The following PCDH15 variants were observed in gnomAD, a reference collection of about 807,000 sequenced individuals.
The protein encoded by PCDH15 is protocadherin related 15.
In PCDH15, 129 loss-of-function variants were observed where a neutral mutation model predicts 178.5. The observed-to-expected ratio is 0.72, with a 90% CI of 0.63 to 0.84. The LOEUF (loss-of-function observed/expected upper bound fraction) is 0.84, where lower values mean the gene tolerates loss of function less well. Among genes scored for constraint, PCDH15 ranks in the 40% least tolerant of loss-of-function variants. The pLI, the probability that PCDH15 is intolerant of heterozygous loss-of-function variation, is 0.00. For synonymous variants in PCDH15, 800 were observed against 732.0 expected (o/e 1.09, Z -1.50); for missense variants, 2,230 against 2,099.9 (o/e 1.06, Z -1.21).
intron 2 of PCDH15, among the ~76,000 whole-genome samples, chr10:55,547,886 G>GGTGT (rs1488373575): frequency 6.1e-4 from 35 of 57,588 alleles, no homozygotes; most frequent in African/African-American, 2.0e-3. Context: ...GCAGGGAGGT[G>GGTGT]GTGTGTGTGT....
At chr10:54,155,156 T>C (rs2044975919) in intron 13 of PCDH15, among the ~76,000 whole-genome samples, 1 of 152,214 alleles carries the variant, frequency 6.6e-6, no homozygotes, top group Non-Finnish European at 1.5e-5. Flanking sequence ...TGCATCAAGT[T>C]AAGAAAAGGT....
At chr10:54,064,211 C>T (rs1366546748) in intron 18 of PCDH15, among the ~76,000 whole-genome samples, 1 of 152,192 alleles carries the variant, frequency 6.6e-6, no homozygotes, top group Non-Finnish European at 1.5e-5. Context: ...ATAGGTAGTT[C>T]CTTTCTGCAG....
At chr10:54,559,769 T>C (rs547768347) in intron 2 of PCDH15, among the ~76,000 whole-genome samples, 1 of 149,788 alleles carries the variant, frequency 6.7e-6, no homozygotes, top group East Asian at 2.0e-4. Flanking sequence ...AATTAGCTTC[T>C]CACTGTAGAG....
chr10:54,747,367 G>A (rs568100998), intron 1 of PCDH15, among the ~76,000 whole-genome samples: 2 of 152,280 alleles, frequency 1.3e-5, no homozygotes, highest in Non-Finnish European at 1.5e-5. Context: ...CATGTCAGCT[G>A]CATTTTAGGC....
At chr10:54,031,854 T>A (rs2135426642) in intron 18 of PCDH15, among the ~76,000 whole-genome samples, 1 of 152,210 alleles carries the variant, frequency 6.6e-6, no homozygotes, top group Non-Finnish European at 1.5e-5. Context: ...TTCATGTTCA[T>A]TAAATGTATT....
intron 7 of PCDH15, among the ~76,000 whole-genome samples, chr10:54,325,479 T>C (rs192269636): frequency 2.8e-4 from 43 of 152,212 alleles, no homozygotes; most frequent in African/African-American, 7.9e-4. Context: ...CCAGGTGCAG[T>C]GGCTCATGCG....
intron 2 of PCDH15, among the ~76,000 whole-genome samples, chr10:54,901,166 C>T (rs928379535): frequency 6.6e-6 from 1 of 151,972 alleles, no homozygotes; most frequent in African/African-American, 2.4e-5. Flanking sequence ...AAAAAATTAG[C>T]CTGGTGTGGT....
At chr10:54,445,129 T>G (rs1353708142) in intron 3 of PCDH15, among the ~76,000 whole-genome samples, 3 of 151,254 alleles carry the variant, frequency 2.0e-5, no homozygotes, top group African/African-American at 7.3e-5. Flanking sequence ...TCTGCTCCTC[T>G]GAGTCAAAGC....
chr10:54,349,324 C>T (rs138661235), intron 5 of PCDH15, among the ~76,000 whole-genome samples: 174 of 152,148 alleles, frequency 1.1e-3, no homozygotes, highest in African/African-American at 3.8e-3. Context: ...GAGAACTTCA[C>T]GTTTGCCACT....
intron 3 of PCDH15, among the ~76,000 whole-genome samples, chr10:54,439,331 G>A (rs2075648575): frequency 1.3e-5 from 2 of 151,896 alleles, no homozygotes; most frequent in African/African-American, 4.8e-5. Context: ...AAAAAGGGGA[G>A]GGGCATCATA....
At chr10:53,924,987 A>G (rs1348990916) in intron 25 of PCDH15, among the ~76,000 whole-genome samples, 1 of 152,082 alleles carries the variant, frequency 6.6e-6, no homozygotes, top group East Asian at 1.9e-4. Flanking sequence ...AAAACAGACC[A>G]ATCAGCTCTC....
chr10:55,101,193 A>G (rs1048943445), intron 2 of PCDH15, among the ~76,000 whole-genome samples: 2 of 152,044 alleles, frequency 1.3e-5, no homozygotes, highest in African/African-American at 2.4e-5. Flanking sequence ...AGCCTGGCCA[A>G]CATCTCAAAA....
chr10:55,339,761 G>A lies in PCDH15; in HGVS notation c.-155-173110C>T, dbSNP rs542459611. ...GCTTTTAGTTAATAATTGGCCACTCGAGTCTAATTTTAAATAAAAATTTAT... is the reference window on the plus strand; with the variant it reads ...GCTTTTAGTTAATAATTGGCCACTCAAGTCTAATTTTAAATAAAAATTTAT... On this transcript the variant is annotated intron_variant, in intron 2 of 5. Transcript: ENST00000613346. 6.6e-5 allele frequency among the ~76,000 whole-genome samples: 10 copies of A among 152,058 alleles called. No individual in the cohort carries two copies. In the South Asian group the frequency reaches 1.9e-3, roughly 28 times the overall value.
Position 54,523,341 on chromosome 10 carries a change from G to A in PCDH15, c.157+4471C>T, listed in dbSNP as rs138408363. Reference sequence around the variant, plus strand: ...CAAAAGTAGTGTACTTTAACAGTGCGTAGATTATAACAATTTCATAAAAAT... The same window carrying A: ...CAAAAGTAGTGTACTTTAACAGTGCATAGATTATAACAATTTCATAAAAAT... On this transcript the variant is annotated intron_variant, in intron 3 of 37. Transcript: ENST00000644397. Among the ~76,000 whole-genome samples, 175 of 152,200 alleles carry A rather than the reference G, an allele frequency of 1.1e-3. 1 individual carries two copies. The East Asian group carries it at 0.025, about 22-fold the overall frequency.
intron 1 of PCDH15, among the ~76,000 whole-genome samples, chr10:55,310,369 G>A (rs1190352019): frequency 6.6e-6 from 1 of 152,086 alleles, no homozygotes; most frequent in East Asian, 1.9e-4. Flanking sequence ...ATAAAACATA[G>A]TGGAAGTAAA....
At chr10:54,052,441 G>A (rs7893568) in intron 18 of PCDH15, among the ~76,000 whole-genome samples, 4,043 of 152,292 alleles carry the variant, frequency 0.027, 78 homozygotes, top group Non-Finnish European at 0.043. Flanking sequence ...GAAACTTTAA[G>A]GTTTAATGAC....
At chr10:55,082,157 G>T (rs1443597460) in intron 2 of PCDH15, among the ~76,000 whole-genome samples, 1 of 151,982 alleles carries the variant, frequency 6.6e-6, no homozygotes, top group Non-Finnish European at 1.5e-5. Flanking sequence ...TCATCCTCAA[G>T]GATAGACAAT....
intron 18 of PCDH15, among the ~76,000 whole-genome samples, chr10:54,064,413 C>T (rs1399697401): frequency 6.6e-6 from 1 of 152,162 alleles, no homozygotes; most frequent in Non-Finnish European, 1.5e-5. Flanking sequence ...CCACGGACTC[C>T]ACTGGAACTG....
intron 25 of PCDH15, among the ~76,000 whole-genome samples, chr10:53,912,798 C>A (rs187514489): frequency 7.2e-5 from 11 of 152,114 alleles, no homozygotes; most frequent in East Asian, 5.8e-4. Context: ...AAGAGGACAC[C>A]AACAAATGGA....
Sources: allele counts gnomAD v4.1 joint callset (sites outside exome capture counted in the v4.1 genomes callset), GRCh38; gene constraint gnomAD v4.1.1; transcripts MANE v1.5; gene names NCBI Gene and HGNC (gene_info 2026-07-23, HGNC 2026-07-21).